Variants in SIAE observed in about 807,000 individuals in gnomAD.
SIAE encodes the protein sialic acid acetylesterase, also known as sialate O-acetylesterase.
SIAE carries 39 observed loss-of-function variants against 52.6 expected under a neutral mutation model. The observed-to-expected ratio is 0.74, with a 90% confidence interval of 0.57 to 0.97. SIAE has a LOEUF of 0.97. SIAE is among the 50% of genes least tolerant of loss of function. The pLI is 0.00. For synonymous variants in SIAE, 233 were observed against 241.4 expected (o/e 0.97, Z 0.32); for missense variants, 592 against 662.1 (o/e 0.89, Z 1.16).
intron 3 of SIAE, among the ~76,000 whole-genome samples, chr11:124,657,469 A>G (rs1208286331): frequency 2.6e-5 from 4 of 152,224 alleles, no homozygotes; most frequent in African/African-American, 4.8e-5. Flanking sequence ...TGGGAACTCA[A>G]GTGCTTCATC....
At chr11:124,660,983 A>C (rs1036558136) in intron 2 of SIAE, among the ~76,000 whole-genome samples, 180 bp from the exon 3 acceptor site, 7 of 152,212 alleles carry the variant, frequency 4.6e-5, no homozygotes, top group Admixed American at 6.5e-5. Flanking sequence ...TTTTATCCTT[A>C]ATCTGTACCA....
Position 124,638,959 on chromosome 11 carries a change from TGGAA to T in SIAE, c.1125-226_1125-223del, listed in dbSNP as rs1281858463. On this transcript the variant is annotated intron_variant, in intron 8 of 9. Transcript: ENST00000263593. Reference sequence around the variant, plus strand: ...GGAAACCTTGAAATAATAGATGACTTGGAAGGAAGGAATAAAGGGCAGGTTGGGA... The same window carrying T: ...GGAAACCTTGAAATAATAGATGACTTGGAAGGAATAAAGGGCAGGTTGGGA... Among the ~76,000 whole-genome samples the T allele has an allele frequency of 3.3e-5, 5 of 152,068 alleles. No homozygotes were observed. In the East Asian group the frequency reaches 9.7e-4, roughly 29 times the overall value.
At chr11:124,658,485 T>C (rs1296499856) in intron 3 of SIAE, among the ~76,000 whole-genome samples, 2 of 152,186 alleles carry the variant, frequency 1.3e-5, no homozygotes, top group Non-Finnish European at 2.9e-5. Context: ...TTCTGAGATA[T>C]TGAAAAATGG....
chr11:124,638,437 C>T, intron 9 of SIAE, 105 bp downstream of exon 9: 3 of 1,302,054 alleles, frequency 2.3e-6, no homozygotes, highest in Non-Finnish European at 3.3e-6. Flanking sequence ...CCCCAACCAA[C>T]CAAGACCCGC....
intron 7 of SIAE, among the ~76,000 whole-genome samples, chr11:124,641,003 T>C (rs995172433): frequency 6.6e-6 from 1 of 152,132 alleles, no homozygotes; most frequent in Non-Finnish European, 1.5e-5. Flanking sequence ...GAGCTACCTA[T>C]ATAAGAAAGG....
intron 3 of SIAE, among the ~76,000 whole-genome samples, chr11:124,655,438 G>C (rs1377470586): frequency 6.6e-6 from 1 of 152,154 alleles, no homozygotes; most frequent in Non-Finnish European, 1.5e-5. Context: ...GCCTCCCAGA[G>C]TGCTGGGATT....
At chr11:124,652,413 C>T (rs540254254) in intron 4 of SIAE, among the ~76,000 whole-genome samples, 1 of 152,116 alleles carries the variant, frequency 6.6e-6, no homozygotes, top group Middle Eastern at 3.4e-3. Context: ...GGAGACCGGG[C>T]GCGGTGGCTC....
intron 7 of SIAE, among the ~76,000 whole-genome samples, chr11:124,646,391 G>A (rs1182168424): frequency 6.6e-6 from 1 of 152,186 alleles, no homozygotes; most frequent in African/African-American, 2.4e-5. Context: ...GGGAAGTAGA[G>A]AGAAAGGGGG....
rs898761830 is a variant in SIAE, at chr11:124,634,964, G to T, written c.*1987C>A. 2 of 152,056 alleles carry T rather than the reference G, an allele frequency of 1.3e-5. No individual in the cohort carries two copies. Among genetic ancestry groups the T allele is most frequent in the African/African-American group, 4.8e-5 (2 of 41,374 alleles). 9.4% of individuals were successfully genotyped at this position (152,056 alleles called of 1,614,324 possible). ...TTAAAACTAAAAAGTTCTTACATTT[G>T]GGGAAATGCAGTGAATTCCCACATC... On this transcript the variant is annotated 3_prime_UTR_variant, in exon 10 of 10. Transcript: ENST00000263593.
At chr11:124,675,656 G>T, upstream of SIAE, 1 of 383,186 alleles carries the variant, frequency 2.6e-6, no homozygotes, top group Non-Finnish European at 4.7e-6. Context: ...TATTTCTCAC[G>T]GACATACAGC....
At chr11:124,647,950 G>A (rs1942964380) in intron 6 of SIAE, 116 bp downstream of exon 6, 7 of 849,372 alleles carry the variant, frequency 8.2e-6, no homozygotes, top group Admixed American at 5.9e-5. Context: ...CCACAGAACA[G>A]TGAGCTGAAT....
chr11:124,672,034 C>T (rs1943368190), intron 1 of SIAE, among the ~76,000 whole-genome samples: 1 of 151,802 alleles, frequency 6.6e-6, no homozygotes, highest in Admixed American at 6.6e-5. Context: ...CCTTGGCCTC[C>T]CAAAGTGCTG....
At position 124,647,662 on chromosome 11, in the gene SIAE, G is replaced by A. The variant is rs369922693; in HGVS notation, c.833-164C>T. Among the ~76,000 whole-genome samples, 119 of 152,248 alleles carry A rather than the reference G, an allele frequency of 7.8e-4. No individual in the cohort carries two copies. The South Asian group carries it at 0.023, about 30-fold the overall frequency. ...GGCATCAGCAAATGTGGTACGAACA[G>A]AGGCTTGAAAAGTACTTCAGGTTTG... On this transcript the variant is annotated intron_variant, in intron 6 of 9. Transcript: ENST00000263593.
chr11:124,639,742 C>T lies in SIAE; in HGVS notation c.1092G>A (p.Met364Ile). ...KMPNTFMAVA[M>I]DLCDRDSPFG... The stretch of plus-strand genomic sequence containing the variant: ...AAGGCGAGTCTCTATCACAGAGATC[C>T]ATAGCTACAGCCATGAAAGTATTGG... The change falls in exon 8 of 10, where the codon ATG becomes ATA. Residue 364 changes from methionine (M) to isoleucine (I), a missense_variant. Met to Ile is a conservative substitution (Grantham distance 10, BLOSUM62 1). Coordinates refer to ENST00000263593, the MANE Select transcript of SIAE (RefSeq NM_170601.5). 1 of 1,614,116 alleles carries T rather than the reference C, an allele frequency of 6.2e-7. No individual in the cohort carries two copies. The highest frequency in any genetic ancestry group is 8.5e-7 in the Non-Finnish European group (1 of 1,179,984).
chr11:124,652,664 A>G (rs1365356191), intron 4 of SIAE, among the ~76,000 whole-genome samples: 1 of 147,104 alleles, frequency 6.8e-6, no homozygotes, highest in African/African-American at 2.6e-5. Context: ...ACTGCACTCT[A>G]GCCTGGGTAA....
chr11:124,640,819 C>A (rs1942832669), intron 7 of SIAE, among the ~76,000 whole-genome samples: 1 of 152,240 alleles, frequency 6.6e-6, no homozygotes, highest in African/African-American at 2.4e-5. Flanking sequence ...AGTGACTCTG[C>A]ATGGCTCCAC....
chr11:124,639,846 T>C lies in SIAE; in HGVS notation c.988A>G (p.Lys330Glu), dbSNP rs1487554741. 1.2e-6 allele frequency: 2 copies of C among 1,614,108 alleles called. No individual in the cohort carries two copies. The highest frequency in any genetic ancestry group is 2.2e-5 in the South Asian group (2 of 91,088). Residue 330 changes from lysine (K) to glutamate (E), a missense_variant, in exon 8 of 10, where the codon AAG becomes GAG. Physicochemically the swap from Lys to Glu is moderately conservative, Grantham distance 56. Coordinates refer to ENST00000263593, the MANE Select transcript of SIAE (RefSeq NM_170601.5). Reference sequence around the variant, plus strand: ...TGGGGAAATCCATCGTCTGAGCTCTTCTTAGACAAATCTGAAGATAACTAG... The same window carrying C: ...TGGGGAAATCCATCGTCTGAGCTCTCCTTAGACAAATCTGAAGATAACTAG... ...LVQLSSDLSK[K>E]SSDDGFPQIR...
upstream of SIAE, chr11:124,673,752 T>G: frequency 6.2e-7 from 1 of 1,603,216 alleles, no homozygotes; most frequent in Non-Finnish European, 8.5e-7. Context: ...GAAAGTGGGT[T>G]CCCGGCAGGG....
chr11:124,675,781 C>T (rs1281309534), upstream of SIAE: 2 of 165,372 alleles, frequency 1.2e-5, no homozygotes, highest in African/African-American at 4.8e-5. Flanking sequence ...GCATCCCTGG[C>T]AGCTGACTGT....
Sources: gnomAD v4.1 joint callset for allele counts (sites outside exome capture counted in the v4.1 genomes callset) on GRCh38, gnomAD v4.1.1 for gene constraint, MANE v1.5 for transcripts, NCBI Gene and HGNC (gene_info 2026-07-23, HGNC 2026-07-21) for gene names.